COL22A1: variants seen among roughly 807,000 people sequenced by gnomAD.
COL22A1 encodes the protein collagen alpha-1(XXII) chain.
COL22A1 carries 221 observed loss-of-function variants against 248.9 expected under a neutral mutation model. The ratio of observed to expected loss-of-function variants is 0.89; its 90% CI spans 0.80 to 0.99. The LOEUF is 0.99. Ranked by LOEUF, COL22A1 falls within the 50% of genes least tolerant of loss-of-function variation. COL22A1 has a pLI of 0.00. For missense variants in COL22A1, 2,240 were observed against 2,179.0 expected (o/e 1.03, Z -0.56); for synonymous variants, 891 against 793.4 (o/e 1.12, Z -2.07).
Position 138,732,726 on chromosome 8 carries a change from TATTA to T in COL22A1, c.2139+4794_2139+4797del, listed in dbSNP as rs1830802346. 1.3e-5 allele frequency among the ~76,000 whole-genome samples: 2 copies of T among 152,218 alleles called. 1 individual carries two copies. Among genetic ancestry groups the T allele is most frequent in the South Asian group, 4.1e-4 (2 of 4,828 alleles). The stretch of plus-strand genomic sequence containing the variant: ...TAATGAAAACAAGTAATTAACCACT[TATTA>T]ATTAACCAGTCCAATTACTAATGAA... On this transcript the variant is annotated intron_variant, in intron 23 of 64. Transcript: ENST00000303045.
intron 42 of COL22A1, among the ~76,000 whole-genome samples, chr8:138,662,385 G>T (rs1357616992): frequency 4.6e-5 from 7 of 152,040 alleles, no homozygotes; most frequent in Non-Finnish European, 7.4e-5. Context: ...GGTGAGATGG[G>T]CCTGAGCTCA....
At chr8:138,630,610 G>T in intron 50 of COL22A1, 85 bp downstream of exon 50, 3 of 1,154,334 alleles carry the variant, frequency 2.6e-6, no homozygotes, top group Non-Finnish European at 2.6e-6. Context: ...AGGCACACAG[G>T]ACAAGAGCAG....
intron 21 of COL22A1, among the ~76,000 whole-genome samples, chr8:138,753,130 T>C (rs1361433016): frequency 6.6e-6 from 1 of 152,226 alleles, no homozygotes; most frequent in African/African-American, 2.4e-5. Flanking sequence ...GGTGCTCTGG[T>C]TCCTAATCCC....
chr8:138,840,663 C>T (rs576852935), intron 4 of COL22A1, among the ~76,000 whole-genome samples: 1 of 152,292 alleles, frequency 6.6e-6, no homozygotes, highest in East Asian at 1.9e-4. Flanking sequence ...TCTCAGCTCA[C>T]TGCAACCTCT....
chr8:138,772,324 C>T (rs1456985654), intron 16 of COL22A1, among the ~76,000 whole-genome samples: 1 of 152,118 alleles, frequency 6.6e-6, no homozygotes, highest in Non-Finnish European at 1.5e-5. Context: ...CAAGAGTCTA[C>T]ATATGTGTGT....
Position 138,703,351 on chromosome 8 carries a change from G to C in COL22A1, c.2518-4C>G, listed in dbSNP as rs765837300. 1.9e-6 allele frequency: 3 copies of C among 1,613,088 alleles called. No individual in the cohort carries two copies. Among genetic ancestry groups the C allele is most frequent in the Admixed American group, 3.3e-5 (2 of 60,000 alleles). On this transcript the variant is annotated splice_polypyrimidine_tract_variant and splice_region_variant and intron_variant, in intron 30 of 64. Coordinates refer to ENST00000303045, the MANE Select transcript of COL22A1 (RefSeq NM_152888.3). ...GGCCTGCAGGACCAGCTTCACCCTA[G>C]ATGGAGAAATGGAAAATCCATGACC...
At chr8:138,653,022 C>T (rs559597411) in intron 45 of COL22A1, among the ~76,000 whole-genome samples, 21 of 152,226 alleles carry the variant, frequency 1.4e-4, no homozygotes, top group Admixed American at 6.5e-4. Flanking sequence ...GCTGGGATTA[C>T]AGGCATGAGC....
intron 56 of COL22A1, among the ~76,000 whole-genome samples, chr8:138,609,873 G>A (rs1046188931): frequency 6.6e-6 from 1 of 152,142 alleles, no homozygotes; most frequent in Non-Finnish European, 1.5e-5. Context: ...TCCCTCCTGG[G>A]CTGCAGAGCC....
intron 55 of COL22A1, 56 bp from the exon 56 acceptor site, chr8:138,613,976 G>A: frequency 7.3e-7 from 1 of 1,369,898 alleles, no homozygotes. Context: ...GAAGGTGATG[G>A]CATCCCAATT....
At position 138,693,775 on chromosome 8, in the gene COL22A1, C is replaced by T. The variant is rs1001479100; in HGVS notation, c.2701-76G>A. 73 of 1,441,584 alleles carry T rather than the reference C, an allele frequency of 5.1e-5. No homozygotes were observed. The Middle Eastern group carries it at 5.2e-4, about 10-fold the overall frequency. 89.3% of individuals were successfully genotyped at this position (1,441,584 alleles called of 1,614,324 possible). A position where few individuals can be genotyped will look rare whatever the true frequency, so the allele number is the denominator to read the frequency against. ...GTTTCCCCTCACAGCAGGGAGGTCTCGGGAATACCGTGCTCATCAGAAGCA... is the reference window on the plus strand; with the variant it reads ...GTTTCCCCTCACAGCAGGGAGGTCTTGGGAATACCGTGCTCATCAGAAGCA... On this transcript the variant is annotated intron_variant, in intron 34 of 64. Transcript: ENST00000303045.
At chr8:138,841,900 C>G (rs554719808) in intron 4 of COL22A1, among the ~76,000 whole-genome samples, 44 of 152,286 alleles carry the variant, frequency 2.9e-4, no homozygotes, top group Non-Finnish European at 5.7e-4. Flanking sequence ...AATATTGCAA[C>G]GCAGCCTATT....
In COL22A1 at chr8:138,849,266, G is replaced by A. The variant is rs114416440; in HGVS notation, c.659-5108C>T. 3.0e-3 allele frequency among the ~76,000 whole-genome samples: 458 copies of A among 152,332 alleles called. 3 individuals are homozygous for A. Among genetic ancestry groups the A allele is most frequent in the African/African-American group, 0.011 (439 of 41,578 alleles). ...TCTGAGCCTCTTGGCTGCTCTGCTG[G>A]AAGGATGTAGTTATCTCCATAAGCA... On this transcript the variant is annotated intron_variant, in intron 3 of 64. Transcript: ENST00000303045.
chr8:138,735,992 A>C (rs1330598108), intron 23 of COL22A1, among the ~76,000 whole-genome samples: 2 of 152,110 alleles, frequency 1.3e-5, no homozygotes, highest in Non-Finnish European at 2.9e-5. Flanking sequence ...CAGCTCCAGG[A>C]GGACCAAACG....
At chr8:138,693,086 C>T (rs11785534) in intron 35 of COL22A1, among the ~76,000 whole-genome samples, 1 of 151,952 alleles carries the variant, frequency 6.6e-6, no homozygotes, top group Non-Finnish European at 1.5e-5. Context: ...TCTCTGGCTC[C>T]GCACCATGAG....
At chr8:138,875,110 G>C (rs931912062) in intron 3 of COL22A1, among the ~76,000 whole-genome samples, 8 of 152,304 alleles carry the variant, frequency 5.3e-5, no homozygotes, top group African/African-American at 1.2e-4. Flanking sequence ...GAGGAACCTG[G>C]AAATGGAGAG....
intron 23 of COL22A1, among the ~76,000 whole-genome samples, chr8:138,728,634 G>A (rs1260632860): frequency 1.3e-5 from 2 of 151,844 alleles, no homozygotes; most frequent in African/African-American, 2.4e-5. Context: ...CTCATAGCAC[G>A]TTAGAGGTGA....
intron 44 of COL22A1, 61 bp downstream of exon 44, chr8:138,660,375 T>C: frequency 6.7e-7 from 1 of 1,491,190 alleles, no homozygotes; most frequent in Non-Finnish European, 9.3e-7. Context: ...AGTTGCATTT[T>C]TTCTCTTGCT....
At chr8:138,729,566 G>A (rs966592013) in intron 23 of COL22A1, among the ~76,000 whole-genome samples, 2 of 152,198 alleles carry the variant, frequency 1.3e-5, no homozygotes, top group Admixed American at 6.5e-5. Context: ...GGAAGCAGCT[G>A]GAAGCAACTG....
At chr8:138,732,727 A>C (rs546242847) in intron 23 of COL22A1, among the ~76,000 whole-genome samples, 1 of 152,256 alleles carries the variant, frequency 6.6e-6, no homozygotes, top group Non-Finnish European at 1.5e-5. Flanking sequence ...TTAACCACTT[A>C]TTAATTAACC....
Sources: allele counts gnomAD v4.1 joint callset (sites outside exome capture counted in the v4.1 genomes callset), GRCh38; gene constraint gnomAD v4.1.1; transcripts MANE v1.5; gene names NCBI Gene and HGNC (gene_info 2026-07-23, HGNC 2026-07-21).